ARAP3: variants seen among roughly 807,000 people sequenced by gnomAD.
ARAP3 encodes ArfGAP with RhoGAP domain, ankyrin repeat and PH domain 3.
ARAP3 carries 82 observed loss-of-function variants against 169.2 expected under a neutral mutation model. The ratio of observed to expected loss-of-function variants is 0.48; its 90% CI spans 0.41 to 0.58. The LOEUF is 0.58. ARAP3 is among the 20% of genes least tolerant of loss of function. The pLI is 0.00. For missense variants in ARAP3, 1,764 were observed against 2,018.0 expected, an observed-to-expected ratio of 0.87 and a Z score of 2.41; for synonymous variants, 791 against 800.3, an observed-to-expected ratio of 0.99 and a Z score of 0.20.
intron 1 of ARAP3, among the ~76,000 whole-genome samples, chr5:141,681,929 T>C (rs759085194): frequency 4.2e-5 from 6 of 143,210 alleles, no homozygotes; most frequent in Non-Finnish European, 9.1e-5. Context: ...GGCTGGGAGC[T>C]GAGGTGCTCG....
At chr5:141,660,486 T>C (rs1229161417) in intron 21 of ARAP3, among the ~76,000 whole-genome samples, 6 of 144,168 alleles carry the variant, frequency 4.2e-5, no homozygotes, top group African/African-American at 1.5e-4. Flanking sequence ...AGAGCAAGAC[T>C]CCGTCTCAAA....
Position 141,672,501 on chromosome 5 carries a change from T to G in ARAP3, c.1385+51A>C. On this transcript the variant is annotated intron_variant, in intron 9 of 32. Coordinates refer to ENST00000239440, the MANE Select transcript of ARAP3 (RefSeq NM_022481.6). This position sits in a 1 kb window ranked among gnomAD's most constrained non-coding sequence, Gnocchi z 4.9. ...AGGCCTCTAGTCCTCTGCACCCTTG[T>G]GCCTCCCGCAAAAGTCCCCCAGCCT... 6.3e-7 allele frequency: 1 copy of G among 1,597,708 alleles called. No individual in the cohort carries two copies. The highest frequency in any genetic ancestry group is 1.3e-5 in the African/African-American group (1 of 74,596).
chr5:141,661,616 A>G (rs374424125), intron 21 of ARAP3, 68 bp downstream of exon 21: 38 of 1,411,440 alleles, frequency 2.7e-5, no homozygotes, highest in South Asian at 1.9e-4. Flanking sequence ...ATGAATGAAT[A>G]AATGAATGAA....
chr5:141,672,824 C>G lies in ARAP3; in HGVS notation c.1195G>C (p.Gly399Arg), dbSNP rs760280150. Residue 399 changes from glycine (G) to arginine (R), a missense_variant, in exon 8 of 33, where the codon GGC (glycine) becomes CGC (arginine). Gly to Arg is a moderately radical substitution (Grantham distance 125). Transcript: ENST00000239440. This position sits in a 1 kb window ranked among gnomAD's most constrained non-coding sequence, Gnocchi z 4.9. The stretch of plus-strand genomic sequence containing the variant: ...TTGTGTCCACGCAGCTCCAGCATGC[C>G]CGTGCGGAGGGGTCGGGGTGGTTGG... ...PPQPPRPLRT[G>R]MLELRGHKAK... 4 of 1,613,766 alleles carry G rather than the reference C, an allele frequency of 2.5e-6. No individual in the cohort carries two copies. In the African/African-American group the frequency reaches 5.3e-5, roughly 22 times the overall value.
rs1182926554 is a variant in ARAP3 at position 141,656,115 on chromosome 5, C to T, written c.3873-16G>A. ...GAAGCCCCACCTGGGAGACAAAGAA[C>T]AGTGATGGGGCAGTCAGAAAGGGCA... On this transcript the variant is annotated splice_polypyrimidine_tract_variant and intron_variant, in intron 28 of 32. Coordinates refer to ENST00000239440, the MANE Select transcript of ARAP3 (RefSeq NM_022481.6). The T allele has an allele frequency of 1.9e-6, 3 of 1,613,960 alleles. No individual in the cohort carries two copies. Among genetic ancestry groups the T allele is most frequent in the Non-Finnish European group, 2.5e-6 (3 of 1,180,038 alleles).
Position 141,654,175 on chromosome 5 carries a change from A to AG in ARAP3, c.4409dup (p.Ser1471PhefsTer82), listed in dbSNP as rs1308620191. On this transcript the variant is annotated frameshift_variant, in exon 33 of 33. Transcript: ENST00000239440. LOFTEE classifies it high-confidence loss of function. ...CCCGTGCCTGGGGACTGCTCTTTGA[A>AG]GGGGGGCCTGGAGGGGGCTCAGGTG... is the stretch of plus-strand genomic sequence containing the variant. The AG allele has an allele frequency of 1.9e-6, 3 of 1,613,736 alleles. No individual in the cohort carries two copies. Among genetic ancestry groups the AG allele is most frequent in the Middle Eastern group, 1.6e-4 (1 of 6,062 alleles).
intron 6 of ARAP3, 24 bp from the exon 7 acceptor site, chr5:141,673,157 C>T (rs369143891): frequency 6.2e-7 from 1 of 1,614,004 alleles, no homozygotes; most frequent in African/African-American, 1.3e-5. Flanking sequence ...GCTCAATGAC[C>T]CATGAGGACA....
chr5:141,674,109 A>G (rs367736504), intron 4 of ARAP3, among the ~76,000 whole-genome samples: 90 of 152,170 alleles, frequency 5.9e-4, no homozygotes, highest in African/African-American at 2.1e-3. Flanking sequence ...GATTACAAGA[A>G]TACGCTACCA....
chr5:141,680,687 G>T (rs1173110974), intron 1 of ARAP3, 184 bp from the exon 2 acceptor site: 1 of 973,142 alleles, frequency 1.0e-6, no homozygotes, highest in Non-Finnish European at 1.4e-6. Flanking sequence ...CTTAGGGAAG[G>T]GACTTCATTT....
chr5:141,672,662 G>C lies in ARAP3; in HGVS notation c.1279-4C>G. 3 of 1,613,892 alleles carry C rather than the reference G, an allele frequency of 1.9e-6. No homozygotes were observed. Among genetic ancestry groups the C allele is most frequent in the African/African-American group, 1.3e-5 (1 of 75,042 alleles). ...TCCCGATGCCCAGAGAGAAGGCCTG[G>C]TGGGGTCAGGGGGTGGGCATCATGA... is the stretch of plus-strand genomic sequence containing the variant. On this transcript the variant is annotated splice_region_variant and splice_polypyrimidine_tract_variant and intron_variant, in intron 8 of 32. Transcript: ENST00000239440. This position sits in a 1 kb window ranked among gnomAD's most constrained non-coding sequence, Gnocchi z 4.9.
Position 141,659,400 on chromosome 5 carries a change from C to A in ARAP3, c.3336+8G>T. On this transcript the variant is annotated splice_region_variant and intron_variant, in intron 23 of 32. Transcript: ENST00000239440. ...CCCATTCAGGAGACTAAGGTCAGGA[C>A]GAGTTACCTGCACGTCCTTCCAGGT... 1 of 1,613,540 alleles carries A rather than the reference C, an allele frequency of 6.2e-7. No homozygotes were observed. Among genetic ancestry groups the A allele is most frequent in the Non-Finnish European group, 8.5e-7 (1 of 1,179,476 alleles).
chr5:141,680,591 G>T, intron 1 of ARAP3, 88 bp from the exon 2 acceptor site: 1 of 1,441,424 alleles, frequency 6.9e-7, no homozygotes. Flanking sequence ...GTGAGCACCA[G>T]CCTCCAATCT....
rs1290173880 is a variant in ARAP3 at position 141,656,140 on chromosome 5, AG to A, written c.3873-42del. 1.5e-5 allele frequency: 24 copies of A among 1,613,920 alleles called. No homozygotes were observed. In the South Asian group the frequency reaches 1.6e-4, roughly 11 times the overall value. On this transcript the variant is annotated intron_variant, in intron 28 of 32. Transcript: ENST00000239440. ...CAGTGATGGGGCAGTCAGAAAGGGCAGGGGGGTGAAGGCAGGAAGGCCCTGG... is the reference window on the plus strand; with the variant it reads ...CAGTGATGGGGCAGTCAGAAAGGGCAGGGGGTGAAGGCAGGAAGGCCCTGG...
chr5:141,655,921 C>A lies in ARAP3; in HGVS notation c.3920G>T (p.Cys1307Phe). The part of the protein sequence containing the change: ...ILEKMHLYLS[C>F]TDEDEMWDWT... Reference sequence around the variant, plus strand: ...ATCCCACATTTCATCCTCGTCAGTGCAGGACAAGTAGCTGGGGTGATCAGA... The same window carrying A: ...ATCCCACATTTCATCCTCGTCAGTGAAGGACAAGTAGCTGGGGTGATCAGA... Residue 1307 changes from cysteine (C) to phenylalanine (F), a missense_variant, in exon 30 of 33, where the codon TGC becomes TTC. This residue lies in a region of ARAP3 where 1,112 missense variants were observed against 1,285.7 expected (regional missense o/e 0.86). Coordinates refer to ENST00000239440, the MANE Select transcript of ARAP3 (RefSeq NM_022481.6). The A allele has an allele frequency of 6.2e-7, 1 of 1,613,994 alleles. No individual in the cohort carries two copies. Among genetic ancestry groups the A allele is most frequent in the Non-Finnish European group, 8.5e-7 (1 of 1,179,920 alleles).
In ARAP3 at chr5:141,656,236, T is replaced by C. The variant is rs1043544302; in HGVS notation, c.3830A>G (p.Lys1277Arg). 2.5e-6 allele frequency: 4 copies of C among 1,613,962 alleles called. No homozygotes were observed. The Admixed American group carries it at 5.0e-5, about 20-fold the overall frequency. Residue 1277 changes from lysine (K) to arginine (R), a missense_variant, in exon 28 of 33, where the codon AAG becomes AGG. Lys to Arg is a conservative substitution (Grantham distance 26, BLOSUM62 2). Coordinates refer to ENST00000239440, the MANE Select transcript of ARAP3 (RefSeq NM_022481.6). ...CTTCTTGCGGATTCCCAGGTAGACC[T>C]TGGCACCTTCCAAAGGCCACTCCCG... ...PEREWPLEGA[K>R]VYLGIRKKLK...
rs751209450 is a variant in ARAP3, at chr5:141,661,802, T to G, written c.3014-13A>C. The stretch of plus-strand genomic sequence containing the variant: ...TTCTGGGGCAGCTCTGGGGATGGAA[T>G]GGAGGAGGGTTGGGGAGGACCCGGG... On this transcript the variant is annotated splice_polypyrimidine_tract_variant and intron_variant, in intron 20 of 32. Coordinates refer to ENST00000239440, the MANE Select transcript of ARAP3 (RefSeq NM_022481.6). 1.5e-5 allele frequency: 25 copies of G among 1,613,714 alleles called. No homozygotes were observed. In the African/African-American group the frequency reaches 1.6e-4, roughly 10 times the overall value.
In ARAP3 at chr5:141,665,046, C is replaced by A. The variant is rs759275357; in HGVS notation, c.2676G>T (p.Thr892=). 4.3e-6 allele frequency: 7 copies of A among 1,613,874 alleles called. No individual in the cohort carries two copies. Among genetic ancestry groups the A allele is most frequent in the Non-Finnish European group, 5.9e-6 (7 of 1,179,904 alleles). ...CGCCCCCAATGGCTGCGTTCCATGC[C>A]GTGAAGTCCAGCCGGCCCTCTCCTT... ...YLQGEGRLDF[T]AWNAAIGGAA... Residue 892 remains threonine, a synonymous_variant, in exon 19 of 33, where the codon ACG becomes ACT. Coordinates refer to ENST00000239440, the MANE Select transcript of ARAP3 (RefSeq NM_022481.6).
At chr5:141,676,777 T>C (rs772815721) in intron 4 of ARAP3, among the ~76,000 whole-genome samples, 63 of 152,174 alleles carry the variant, frequency 4.1e-4, no homozygotes, top group Non-Finnish European at 5.3e-4. Flanking sequence ...GGTCCTCTTC[T>C]CTATCTGCAC....
At chr5:141,670,197 T>G in intron 14 of ARAP3, 134 bp from the exon 15 acceptor site, 1 of 1,258,824 alleles carries the variant, frequency 7.9e-7, no homozygotes, top group South Asian at 1.6e-5. Flanking sequence ...AATAACCCTA[T>G]GAGGTGTTAT....
Sources: gnomAD v4.1 joint callset for allele counts (sites outside exome capture counted in the v4.1 genomes callset) on GRCh38, gnomAD v4.1.1 for gene constraint, gnomAD v4.1.1 regional missense constraint, Gnocchi (gnomAD v3.1) non-coding constraint, MANE v1.5 for transcripts, NCBI Gene and HGNC (gene_info 2026-07-23, HGNC 2026-07-21) for gene names.